Variants in GCM2 observed in about 807,000 individuals in gnomAD.
The protein encoded by GCM2 is chorion-specific transcription factor GCMb.
GCM2 carries 21 observed loss-of-function variants against 24.8 expected under a neutral mutation model. The ratio of observed to expected loss-of-function variants is 0.85; its 90% CI spans 0.60 to 1.22. GCM2 has a LOEUF of 1.22. Among genes scored for constraint, GCM2 ranks in the 50% most tolerant of loss-of-function variants. The pLI, the probability that GCM2 is intolerant of heterozygous loss-of-function variation, is 0.00. For synonymous variants in GCM2, 222 were observed against 238.0 expected (o/e 0.93, Z 0.62); for missense variants, 532 against 645.6 (o/e 0.82, Z 1.91).
Position 10,874,923 on chromosome 6 carries a change from T to C in GCM2, c.593A>G (p.Asn198Ser). 6.2e-7 allele frequency: 1 copy of C among 1,611,276 alleles called. No individual in the cohort carries two copies. Residue 198 changes from asparagine (N) to serine (S), a missense_variant, in exon 5 of 5, where the codon AAT (asparagine) becomes AGT (serine). This residue lies in a region of GCM2 where 434 missense variants were observed against 521.9 expected (regional missense o/e 0.83). Transcript: ENST00000379491. ...GCTGAAATGACCACTGCTGTCTTGA[T>C]TTTCTTCTGCCTAGAAAAATGATAC... ...KRIRESEAEENQDSSGHFSNI... is the reference protein window; with the variant it reads ...KRIRESEAEESQDSSGHFSNI...
Position 10,881,781 on chromosome 6 carries a change from C to G in GCM2, c.13G>C (p.Ala5Pro), listed in dbSNP as rs778372344. Residue 5 changes from alanine to proline, a missense_variant, in exon 1 of 5, where the codon GCG becomes CCG. Coordinates refer to ENST00000379491, the MANE Select transcript of GCM2 (RefSeq NM_004752.4). MPAA[A>P]VQEAVGVCSY... ...CACACGCCGACCGCTTCCTGCACCG[C>G]GGCCGCCGGCATCTGCCCAACTCGC... 2.5e-6 allele frequency: 4 copies of G among 1,608,340 alleles called. No individual in the cohort carries two copies. In the South Asian group the frequency reaches 3.3e-5, roughly 13 times the overall value.
In GCM2 at chr6:10,876,499, G is replaced by A. The variant is rs145276001; in HGVS notation, c.402C>T (p.Ser134=). 57 of 1,613,984 alleles carry A rather than the reference G, an allele frequency of 3.5e-5. No homozygotes were observed. In the African/African-American group the frequency reaches 5.5e-4, roughly 15 times the overall value. Residue 134 remains serine, a synonymous_variant, in exon 3 of 5, where the codon AGC becomes AGT. Coordinates refer to ENST00000379491, the MANE Select transcript of GCM2 (RefSeq NM_004752.4). ...GCCAAAAGTTGGTTACGGGGTATCCGCTGTGCCCTCGACAAGGAATCAACT... is the reference window on the plus strand; with the variant it reads ...GCCAAAAGTTGGTTACGGGGTATCCACTGTGCCCTCGACAAGGAATCAACT... The part of the protein sequence containing the change: ...ALELIPCRGH[S]GYPVTNFWRL...
rs1157676612 is a variant in GCM2, at chr6:10,873,926, C to T, written c.*69G>A. On this transcript the variant is annotated 3_prime_UTR_variant, in exon 5 of 5. Coordinates refer to ENST00000379491, the MANE Select transcript of GCM2 (RefSeq NM_004752.4). ...TGAATCTCCCAACTCAATAAGAGAT[C>T]ATTGCCATTTCACATTTCCCTGCCT... 4.3e-6 allele frequency: 5 copies of T among 1,173,632 alleles called. No individual in the cohort carries two copies. Among genetic ancestry groups the T allele is most frequent in the Non-Finnish European group, 6.4e-6 (5 of 785,608 alleles). The allele number at this position is 1,173,632 out of a possible 1,614,324, so 72.7% of individuals were successfully genotyped here. A position where few individuals can be genotyped will look rare whatever the true frequency, so the allele number is the denominator to read the frequency against.
In GCM2 at chr6:10,874,228, A is replaced by C. The variant is rs1305312481; in HGVS notation, c.1288T>G (p.Trp430Gly). ...DTGMSVYPEP[W>G]GPPVTVTRAA... is the part of the protein sequence containing the mutation. ...CTGGTGACTGTCACCGGAGGACCCC[A>C]GGGTTCTGGATAGACAGACATCCCA... The change falls in exon 5 of 5, where the codon TGG becomes GGG. Residue 430 changes from tryptophan (W) to glycine (G), a missense_variant. Transcript: ENST00000379491. 6.2e-7 allele frequency: 1 copy of C among 1,614,206 alleles called. No individual in the cohort carries two copies. The highest frequency in any genetic ancestry group is 2.2e-5 in the East Asian group (1 of 44,880).
chr6:10,875,047 T>C (rs915991526), intron 4 of GCM2, 114 bp from the exon 5 acceptor site: 2 of 808,166 alleles, frequency 2.5e-6, no homozygotes, highest in Non-Finnish European at 2.1e-6. Context: ...GGGCTCTGTG[T>C]TGTGAACATG....
At chr6:10,879,804 A>G (rs1291661935) in intron 1 of GCM2, among the ~76,000 whole-genome samples, 1 of 152,262 alleles carries the variant, frequency 6.6e-6, no homozygotes, top group Admixed American at 6.5e-5. Flanking sequence ...GAGATGAACC[A>G]TAATTACATT....
chr6:10,877,799 T>C (rs570807948), intron 1 of GCM2, among the ~76,000 whole-genome samples: 1 of 152,282 alleles, frequency 6.6e-6, no homozygotes, highest in Non-Finnish European at 1.5e-5. Flanking sequence ...TTATATCACT[T>C]CTTGGTGTGT....
At chr6:10,876,266 C>T (rs974649713) in intron 3 of GCM2, among the ~76,000 whole-genome samples, 179 bp downstream of exon 3, 3 of 152,154 alleles carry the variant, frequency 2.0e-5, no homozygotes, top group Admixed American at 6.6e-5. Flanking sequence ...TTAAAGAGCA[C>T]AAAGTAGTGA....
rs1779898847 is a variant in GCM2 at position 10,877,369 on chromosome 6, G to A, written c.114C>T (p.Phe38=). The A allele has an allele frequency of 6.2e-7, 1 of 1,614,244 alleles. No individual in the cohort carries two copies. ...GCACATAGCCGTCAGGCCACTCTCG[G>A]AATTGGTCAAAGAGGGCCAGCTCCT... is the stretch of plus-strand genomic sequence containing the variant. ...MPQELALFDQ[F]REWPDGYVRF... Residue 38 remains phenylalanine, a synonymous_variant, in exon 2 of 5, where the codon TTC becomes TTT. Transcript: ENST00000379491.
Position 10,874,678 on chromosome 6 carries a change from G to C in GCM2, c.838C>G (p.Pro280Ala), listed in dbSNP as rs774691096. 1.9e-6 allele frequency: 3 copies of C among 1,614,120 alleles called. No homozygotes were observed. The East Asian group carries it at 6.7e-5, about 36-fold the overall frequency. ...RPPCSYELAN[P>A]GYTNSSPYPT... ...TATGGGCTTGAATTTGTATAACCAG[G>C]GTTTGCCAATTCATAGCTGCAAGGT... The change falls in exon 5 of 5, where the codon CCT becomes GCT. Residue 280 changes from proline (P) to alanine (A), a missense_variant. By Grantham distance (27) the Pro-to-Ala change is conservative. Coordinates refer to ENST00000379491, the MANE Select transcript of GCM2 (RefSeq NM_004752.4).
intron 1 of GCM2, among the ~76,000 whole-genome samples, chr6:10,880,258 AAAAC>A (rs1054404252): frequency 1.4e-4 from 21 of 150,352 alleles, no homozygotes; most frequent in East Asian, 3.9e-4. Context: ...CCCGCCTCAA[AAAAC>A]AAACAAACAA....
chr6:10,878,864 G>C (rs1210696618), intron 1 of GCM2, among the ~76,000 whole-genome samples: 1 of 152,182 alleles, frequency 6.6e-6, no homozygotes, highest in Non-Finnish European at 1.5e-5. Flanking sequence ...GCCAGACCCA[G>C]TAGCTTTGCT....
At position 10,881,591 on chromosome 6, in the gene GCM2, TGTGTG is replaced by T. The variant is rs1316438102; in HGVS notation, c.90+108_90+112del. The T allele has an allele frequency of 4.8e-3, 3,094 of 639,646 alleles. 65 individuals are homozygous for T. The highest frequency in any genetic ancestry group is 0.048 in the African/African-American group (2,552 of 52,944). The allele number at this position is 639,646 out of a possible 1,614,324, so 39.6% of individuals were successfully genotyped here. A position where few individuals can be genotyped will look rare whatever the true frequency, so the allele number is the denominator to read the frequency against. Reference sequence around the variant, plus strand: ...GTGTGTGTGTGTGTGTGTGTGTGTGTGTGTGTGTGTGTGTGTATGGTCCGTCCGCA... The same window carrying T: ...GTGTGTGTGTGTGTGTGTGTGTGTGTTGTGTGTGTGTATGGTCCGTCCGCA... On this transcript the variant is annotated intron_variant, in intron 1 of 4. Transcript: ENST00000379491.
intron 4 of GCM2, among the ~76,000 whole-genome samples, chr6:10,875,683 G>A (rs1478496718): frequency 6.6e-6 from 1 of 152,196 alleles, no homozygotes; most frequent in African/African-American, 2.4e-5. Context: ...ATCATTGCCT[G>A]TAGAGATTGT....
rs775663970 is a variant in GCM2 at position 10,874,554 on chromosome 6, T to C, written c.962A>G (p.Glu321Gly). The C allele has an allele frequency of 3.1e-6, 5 of 1,614,250 alleles. No homozygotes were observed. Among genetic ancestry groups the C allele is most frequent in the Non-Finnish European group, 4.2e-6 (5 of 1,180,040 alleles). Reference sequence around the variant, plus strand: ...TTTGTTGGTGAAATCAAAGCTTCTCTCATAGCTGCTGTATGAATTGACATT... The same window carrying C: ...TTTGTTGGTGAAATCAAAGCTTCTCCCATAGCTGCTGTATGAATTGACATT... ...QCNVNSYSSY[E>G]RSFDFTNKQH... The change falls in exon 5 of 5, where the codon GAG becomes GGG. Residue 321 changes from glutamate to glycine, a missense_variant. Glu to Gly is a moderately conservative substitution (Grantham distance 98). Transcript: ENST00000379491.
rs762040812 is a variant in GCM2 at position 10,876,505 on chromosome 6, C to T, written c.396G>A (p.Gly132=). 6.2e-7 allele frequency: 1 copy of T among 1,614,016 alleles called. No homozygotes were observed. Among genetic ancestry groups the T allele is most frequent in the South Asian group, 1.1e-5 (1 of 91,084 alleles). Residue 132 remains glycine, a synonymous_variant, in exon 3 of 5, where the codon GGG becomes GGA. Coordinates refer to ENST00000379491, the MANE Select transcript of GCM2 (RefSeq NM_004752.4). ...AGTTGGTTACGGGGTATCCGCTGTG[C>T]CCTCGACAAGGAATCAACTCCAAAG... ...HSALELIPCR[G]HSGYPVTNFW...
Position 10,873,655 on chromosome 6 carries a change from T to G in GCM2, c.*340A>C, listed in dbSNP as rs1561670875. On this transcript the variant is annotated 3_prime_UTR_variant, in exon 5 of 5. Coordinates refer to ENST00000379491, the MANE Select transcript of GCM2 (RefSeq NM_004752.4). ...TGCTCTAATGGGAAAAGTCCTAGAATAAGAACCAGAATCCTTGACTTCTAC... is the reference window on the plus strand; with the variant it reads ...TGCTCTAATGGGAAAAGTCCTAGAAGAAGAACCAGAATCCTTGACTTCTAC... 1.1e-5 allele frequency: 4 copies of G among 353,280 alleles called. No homozygotes were observed. The highest frequency in any genetic ancestry group is 2.2e-5 in the Non-Finnish European group (4 of 184,070). 21.9% of individuals were successfully genotyped at this position (353,280 alleles called of 1,614,324 possible).
At position 10,877,230 on chromosome 6, in the gene GCM2, C is replaced by T. The variant is rs770692365; in HGVS notation, c.253G>A (p.Val85Met). The T allele has an allele frequency of 6.2e-7, 1 of 1,614,106 alleles. No homozygotes were observed. The highest frequency in any genetic ancestry group is 1.3e-5 in the African/African-American group (1 of 74,940). The part of the protein sequence containing the change: ...HILKKSCLGV[V>M]VCTQACTLPD... ...AGGGTGCAGGCCTGTGTACACACCACCACACCCAGGCACGACTTCTTGAGG... is the reference window on the plus strand; with the variant it reads ...AGGGTGCAGGCCTGTGTACACACCATCACACCCAGGCACGACTTCTTGAGG... Residue 85 changes from valine to methionine, a missense_variant, in exon 2 of 5, where the codon GTG (valine) becomes ATG (methionine). By Grantham distance (21) the Val-to-Met change is conservative. Coordinates refer to ENST00000379491, the MANE Select transcript of GCM2 (RefSeq NM_004752.4).
At position 10,873,342 on chromosome 6, in the gene GCM2, A is replaced by C; in HGVS notation, c.*653T>G. The C allele has an allele frequency of 6.5e-6, 1 of 153,610 alleles. No homozygotes were observed. Among genetic ancestry groups the C allele is most frequent in the Admixed American group, 6.4e-5 (1 of 15,528 alleles). The allele number at this position is 153,610 out of a possible 1,614,324, so 9.5% of individuals were successfully genotyped here. On this transcript the variant is annotated 3_prime_UTR_variant, in exon 5 of 5. Coordinates refer to ENST00000379491, the MANE Select transcript of GCM2 (RefSeq NM_004752.4). ...ATTGTTAGGCTGTCTCTGTTATGGAAACTATCATGTTATGAAAAGGTTATG... is the reference window on the plus strand; with the variant it reads ...ATTGTTAGGCTGTCTCTGTTATGGACACTATCATGTTATGAAAAGGTTATG...
Sources: gnomAD v4.1 joint callset for allele counts (sites outside exome capture counted in the v4.1 genomes callset) on GRCh38, gnomAD v4.1.1 for gene constraint, gnomAD v4.1.1 regional missense constraint, MANE v1.5 for transcripts, NCBI Gene and HGNC (gene_info 2026-07-23, HGNC 2026-07-21) for gene names.